Variants in B3GALNT2 observed in about 807,000 individuals in gnomAD.
B3GALNT2 encodes the protein beta-1,3-N-acetylgalactosaminyltransferase 2, also known as UDP-GalNAc:beta-1,3-N-acetylgalactosaminyltransferase 2.
Under a neutral mutation model 61.1 loss-of-function variants are expected in B3GALNT2, and 53 were observed. That is an observed-to-expected ratio of 0.87 (90% confidence interval 0.70 to 1.09). The LOEUF (loss-of-function observed/expected upper bound fraction) is 1.09, where lower values mean the gene tolerates loss of function less well. Ranked by LOEUF, B3GALNT2 falls within the 50% of genes least tolerant of loss-of-function variation. B3GALNT2 has a pLI of 0.00. For missense variants in B3GALNT2, 544 were observed against 623.0 expected, an observed-to-expected ratio of 0.87 and a Z score of 1.35; for synonymous variants, 223 against 237.4, an observed-to-expected ratio of 0.94 and a Z score of 0.56.
intron 7 of B3GALNT2, among the ~76,000 whole-genome samples, chr1:235,459,651 G>A (rs1455207647): frequency 1.3e-5 from 2 of 152,222 alleles, no homozygotes; most frequent in South Asian, 2.1e-4. Context: ...ATAAAGAGAC[G>A]TAAATATGTT....
At chr1:235,445,604 C>A (rs1418030181), downstream of B3GALNT2, among the ~76,000 whole-genome samples, 1 of 152,130 alleles carries the variant, frequency 6.6e-6, no homozygotes, top group Non-Finnish European at 1.5e-5. Flanking sequence ...CCACTGCAAT[C>A]TGGCCTGGGT....
intron 9 of B3GALNT2, 121 bp from the exon 10 acceptor site, chr1:235,454,436 A>C: frequency 1.9e-6 from 2 of 1,076,890 alleles, no homozygotes; most frequent in Non-Finnish European, 2.6e-6. Flanking sequence ...GAAAGAAAAT[A>C]AGAAAATTTC....
At chr1:235,499,629 G>C (rs1333240057) in intron 1 of B3GALNT2, among the ~76,000 whole-genome samples, 2 of 152,184 alleles carry the variant, frequency 1.3e-5, no homozygotes, top group Non-Finnish European at 2.9e-5. Context: ...CAGGAGAAAA[G>C]GCATATAAAT....
At chr1:235,461,545 C>T (rs756171814) in intron 7 of B3GALNT2, among the ~76,000 whole-genome samples, 7 of 107,102 alleles carry the variant, frequency 6.5e-5, no homozygotes, top group Non-Finnish European at 1.0e-4. Flanking sequence ...GAGATGGAGT[C>T]TCACTCTGTC....
chr1:235,443,058 A>ATT, downstream of B3GALNT2: 1 of 802,180 alleles, frequency 1.2e-6, no homozygotes, highest in Non-Finnish European at 2.1e-6. Flanking sequence ...TCTAAAATAC[A>ATT]ATCAATCATG....
chr1:235,478,753 G>A (rs1459504631), intron 5 of B3GALNT2, among the ~76,000 whole-genome samples: 1 of 152,170 alleles, frequency 6.6e-6, no homozygotes, highest in Non-Finnish European at 1.5e-5. Context: ...AGATGTTCGT[G>A]ATATGTTAAA....
In B3GALNT2 at chr1:235,453,102, AG is replaced by A; in HGVS notation, c.1355del (p.Pro452LeufsTer30). ...SMGIWMAAIG[P>X]KRYQDSLWLC... is the part of the protein sequence containing the mutation. ...CCCAAAGACTTACCTGGTATCTTTT[AG>A]GTCCTATGGCAGCCATCCAGATGCC... On this transcript the variant is annotated frameshift_variant, in exon 11 of 12. Coordinates refer to ENST00000366600, the MANE Select transcript of B3GALNT2 (RefSeq NM_152490.5). LOFTEE classifies it high-confidence loss of function. 2 of 1,612,350 alleles carry A rather than the reference AG, an allele frequency of 1.2e-6. No individual in the cohort carries two copies. Among genetic ancestry groups the A allele is most frequent in the Non-Finnish European group, 8.5e-7 (1 of 1,178,380 alleles).
At chr1:235,455,957 G>A (rs1683150655) in intron 8 of B3GALNT2, among the ~76,000 whole-genome samples, 1 of 152,140 alleles carries the variant, frequency 6.6e-6, no homozygotes, top group Non-Finnish European at 1.5e-5. Flanking sequence ...GGCTTAAATG[G>A]AACATATGTT....
At chr1:235,493,442 G>A (rs1685172862) in intron 2 of B3GALNT2, among the ~76,000 whole-genome samples, 1 of 152,082 alleles carries the variant, frequency 6.6e-6, no homozygotes, top group Non-Finnish European at 1.5e-5. Flanking sequence ...GTCTTGAAAA[G>A]GAATGAAAGC....
intron 1 of B3GALNT2, among the ~76,000 whole-genome samples, chr1:235,501,145 A>G (rs1193518891): frequency 6.6e-6 from 1 of 152,216 alleles, no homozygotes; most frequent in Non-Finnish European, 1.5e-5. Flanking sequence ...TAACCGTTAA[A>G]TAATTCCTAC....
chr1:235,495,608 T>C (rs879469397), intron 1 of B3GALNT2, among the ~76,000 whole-genome samples: 3 of 152,144 alleles, frequency 2.0e-5, no homozygotes, highest in Admixed American at 6.5e-5. Context: ...GAAGGTCTAA[T>C]GGGCAGGGTT....
At chr1:235,458,428 T>G (rs1683265892) in intron 8 of B3GALNT2, among the ~76,000 whole-genome samples, 175 bp downstream of exon 8, 1 of 151,944 alleles carries the variant, frequency 6.6e-6, no homozygotes, top group African/African-American at 2.4e-5. Context: ...CATGTGCCTG[T>G]AATCTTACCT....
chr1:235,473,885 A>G (rs1362783405), intron 5 of B3GALNT2, among the ~76,000 whole-genome samples: 1 of 152,238 alleles, frequency 6.6e-6, no homozygotes. Flanking sequence ...CATTCAATTG[A>G]CATGACATGT....
At position 235,448,771 on chromosome 1, in the gene B3GALNT2, T is replaced by C; in HGVS notation, c.*1435A>G. The C allele has an allele frequency of 6.3e-7, 1 of 1,586,514 alleles. No homozygotes were observed. The highest frequency in any genetic ancestry group is 8.7e-7 in the Non-Finnish European group (1 of 1,155,458). On this transcript the variant is annotated 3_prime_UTR_variant, in exon 12 of 12. Transcript: ENST00000366600. ...TATTAGTGCGATGGTGACAACCAAC[T>C]AATAAAATTTAAAGACCACACTGCT...
At chr1:235,453,252 CTCTGT>C (rs1683010616) in intron 10 of B3GALNT2, 106 bp from the exon 11 acceptor site, 1 of 1,171,912 alleles carries the variant, frequency 8.5e-7, no homozygotes, top group Non-Finnish European at 1.2e-6. Flanking sequence ...TACTTTTTTG[CTCTGT>C]TATTATTCTA....
At chr1:235,471,150 TAA>T (rs1334954661) in intron 5 of B3GALNT2, among the ~76,000 whole-genome samples, 190 bp from the exon 6 acceptor site, 1 of 152,166 alleles carries the variant, frequency 6.6e-6, no homozygotes, top group East Asian at 1.9e-4. Context: ...CATGCACATA[TAA>T]AAAACCAATT....
chr1:235,471,787 C>T (rs1041801286), intron 5 of B3GALNT2, among the ~76,000 whole-genome samples: 3 of 152,152 alleles, frequency 2.0e-5, no homozygotes, highest in South Asian at 2.1e-4. Context: ...TTCAGCCTCC[C>T]GCGTAGCTGG....
chr1:235,501,826 T>C (rs536847080), intron 1 of B3GALNT2, among the ~76,000 whole-genome samples: 8 of 152,274 alleles, frequency 5.3e-5, no homozygotes, highest in African/African-American at 1.7e-4. Context: ...GGTTTTTTTT[T>C]CTCCTGTTAG....
chr1:235,458,726 CTT>C lies in B3GALNT2; in HGVS notation c.900_901del (p.Ile300MetfsTer5). 1 of 1,612,540 alleles carries C rather than the reference CTT, an allele frequency of 6.2e-7. No homozygotes were observed. The highest frequency in any genetic ancestry group is 8.5e-7 in the Non-Finnish European group (1 of 1,179,428). On this transcript the variant is annotated frameshift_variant, in exon 8 of 12. Transcript: ENST00000366600. LOFTEE classifies it high-confidence loss of function. ...TAAGGCATCTTCCTCATGGAGATTC[CTT>C]ATATGATCAATAAGTCTTTGAGGGC... is the stretch of plus-strand genomic sequence containing the variant.
Sources: gnomAD v4.1 joint callset for allele counts (sites outside exome capture counted in the v4.1 genomes callset) on GRCh38, gnomAD v4.1.1 for gene constraint, MANE v1.5 for transcripts, NCBI Gene and HGNC (gene_info 2026-07-23, HGNC 2026-07-21) for gene names.